Variants in TPM1 observed in about 807,000 individuals in gnomAD.
TPM1 encodes the protein tropomyosin 1.
TPM1 carries 24 observed loss-of-function variants against 42.9 expected under a neutral mutation model. The observed-to-expected ratio is 0.56, with a 90% CI of 0.41 to 0.79. The LOEUF (loss-of-function observed/expected upper bound fraction) is 0.79. Ranked by LOEUF, TPM1 falls within the 30% of genes least tolerant of loss-of-function variation. The pLI is 0.00. For synonymous variants in TPM1, 136 were observed against 130.1 expected (o/e 1.05, Z -0.31); for missense variants, 158 against 351.8 (o/e 0.45, Z 4.41).
At chr15:63,048,436 G>A (rs1054450144) in intron 2 of TPM1, 2 of 1,350,062 alleles carry the variant, frequency 1.5e-6, no homozygotes, top group Non-Finnish European at 1.9e-6. Flanking sequence ...CCTGGCCGCA[G>A]GGGGCGCCGC....
intron 9 of TPM1, chr15:63,064,781 C>A: frequency 3.2e-6 from 2 of 627,358 alleles, no homozygotes; most frequent in Non-Finnish European, 2.0e-6. Flanking sequence ...CTGGCTAACA[C>A]GGTGAAACCC....
chr15:63,057,512 G>A (rs945576035), intron 3 of TPM1, among the ~76,000 whole-genome samples: 3 of 152,210 alleles, frequency 2.0e-5, no homozygotes, highest in Non-Finnish European at 4.4e-5. Context: ...AGGCTTAGGT[G>A]TAAATAAAGG....
chr15:63,046,849 T>C (rs1363560103), intron 2 of TPM1: 1 of 152,408 alleles, frequency 6.6e-6, no homozygotes, highest in African/African-American at 2.4e-5. Context: ...TCAGAATCCC[T>C]GGGGATGCAA....
In TPM1 at chr15:63,042,763, C is replaced by A; in HGVS notation, c.-67C>A. The A allele has an allele frequency of 1.4e-6, 2 of 1,398,798 alleles. No homozygotes were observed. The highest frequency in any genetic ancestry group is 2.0e-6 in the Non-Finnish European group (2 of 997,654). 86.6% of individuals were successfully genotyped at this position (1,398,798 alleles called of 1,614,324 possible). On this transcript the variant is annotated 5_prime_UTR_variant, in exon 1 of 10. Coordinates refer to ENST00000403994, the MANE Select transcript of TPM1 (RefSeq NM_001018005.2). The stretch of plus-strand genomic sequence containing the variant: ...CGGCTCCGCGCTCGCACTCCCGCTC[C>A]TCCGCCCGACCGCGCGCTCGCCCCG...
At chr15:63,067,597 C>T (rs116995097), downstream of TPM1, among the ~76,000 whole-genome samples, 10 of 152,314 alleles carry the variant, frequency 6.6e-5, no homozygotes, top group Non-Finnish European at 1.0e-4. Context: ...TATAAGTACA[C>T]TCTACAAGGG....
At chr15:63,051,821 C>T (rs1381743608) in intron 2 of TPM1, among the ~76,000 whole-genome samples, 1 of 151,520 alleles carries the variant, frequency 6.6e-6, no homozygotes, top group Non-Finnish European at 1.5e-5. Flanking sequence ...AAGTCACTGC[C>T]ATTTTTAATT....
intron 8 of TPM1, chr15:63,063,523 C>G (rs950303823): frequency 4.0e-6 from 1 of 252,078 alleles, no homozygotes; most frequent in African/African-American, 2.3e-5. Context: ...TTAAATGGCA[C>G]TAAGAAATCG....
chr15:63,045,849 AT>A (rs1023954261), intron 2 of TPM1: 1 of 151,978 alleles, frequency 6.6e-6, no homozygotes, highest in African/African-American at 2.4e-5. Context: ...TGTTTTGGTT[AT>A]TTTTCCCACC....
chr15:63,044,659 G>T, intron 2 of TPM1: 1 of 221,848 alleles, frequency 4.5e-6, no homozygotes, highest in Non-Finnish European at 9.1e-6. Context: ...CTTCATGGTG[G>T]GGCACAGAGA....
chr15:63,048,654 C>G (rs1394600820), intron 2 of TPM1: 5 of 1,538,550 alleles, frequency 3.2e-6, no homozygotes, highest in Non-Finnish European at 4.4e-6. Context: ...CGCTGAGGAG[C>G]GCGCGGGCAC....
intron 8 of TPM1, 166 bp downstream of exon 8, chr15:63,062,811 C>A (rs983395025): frequency 1.3e-6 from 2 of 1,539,746 alleles, no homozygotes; most frequent in African/African-American, 2.7e-5. Flanking sequence ...AACTCATGAA[C>A]CTAAGTCTTC....
At chr15:63,061,474 G>T in intron 5 of TPM1, 5 of 736,138 alleles carry the variant, frequency 6.8e-6, no homozygotes, top group Non-Finnish European at 1.2e-5. Flanking sequence ...GCCAAAAAAG[G>T]AGCCAAATTA....
Position 63,057,125 on chromosome 15 carries a change from A to G in TPM1, c.374+7A>G, listed in dbSNP as rs767137924. On this transcript the variant is annotated splice_region_variant and intron_variant, in intron 3 of 9. Transcript: ENST00000403994. The stretch of plus-strand genomic sequence containing the variant: ...CAGCAGATGAGAGTGAGAGGTGAGA[A>G]TGCCTCATCAGCCATCTTTTGCAGC... The G allele has an allele frequency of 6.8e-6, 11 of 1,613,958 alleles. No individual in the cohort carries two copies. In the South Asian group the frequency reaches 1.1e-4, roughly 16 times the overall value.
chr15:63,043,826 G>A, intron 1 of TPM1: 2 of 1,548,642 alleles, frequency 1.3e-6, no homozygotes. Context: ...AGAGGCCGCC[G>A]CCAAGGTACC....
intron 2 of TPM1, chr15:63,048,247 G>GAGCGCCCAGCTCACCAGGTACCCCCGC (rs748124082): frequency 2.0e-6 from 1 of 499,258 alleles, no homozygotes; most frequent in African/African-American, 2.0e-5. Flanking sequence ...TGGCCTCCCG[G>GAGCGCCCAGCTCACCAGGTACCCCCGC]AGCGCCCAGC....
intron 2 of TPM1, among the ~76,000 whole-genome samples, chr15:63,054,915 C>A (rs796898194): frequency 3.9e-5 from 6 of 151,910 alleles, no homozygotes; most frequent in Admixed American, 6.5e-5. Flanking sequence ...GTCTCCCCCC[C>A]ACCCTCAAAA....
intron 2 of TPM1, chr15:63,048,334 T>A (rs1484124906): frequency 7.4e-6 from 8 of 1,075,580 alleles, no homozygotes; most frequent in African/African-American, 1.7e-5. Context: ...CCCCAGCCAG[T>A]CCCGGGATCC....
intron 3 of TPM1, among the ~76,000 whole-genome samples, chr15:63,059,133 A>T (rs1238596033): frequency 1.3e-5 from 2 of 152,218 alleles, no homozygotes; most frequent in Non-Finnish European, 2.9e-5. Flanking sequence ...TTGTAGAAAG[A>T]GGTATATAAA....
At chr15:63,045,137 C>A (rs1219709338) in intron 2 of TPM1, 1 of 151,786 alleles carries the variant, frequency 6.6e-6, no homozygotes, top group Admixed American at 6.6e-5. Flanking sequence ...GAAAGCTATG[C>A]CAGCAGTTGA....
Sources: allele counts gnomAD v4.1 joint callset (sites outside exome capture counted in the v4.1 genomes callset), GRCh38; gene constraint gnomAD v4.1.1; transcripts MANE v1.5; gene names NCBI Gene and HGNC (gene_info 2026-07-23, HGNC 2026-07-21).